Variants in TMEM108 observed in about 807,000 individuals in gnomAD.
TMEM108 encodes the protein transmembrane protein 108.
TMEM108 carries 12 observed loss-of-function variants against 35.1 expected under a neutral mutation model. That is an observed-to-expected ratio of 0.34 (90% confidence interval 0.22 to 0.55). The LOEUF (loss-of-function observed/expected upper bound fraction) is 0.55. TMEM108 is among the 20% of genes least tolerant of loss of function. The probability of loss-of-function intolerance (pLI) is 0.89; values close to 1 mark genes in which losing one functional copy is unlikely to be tolerated. For synonymous variants in TMEM108, 287 were observed against 308.6 expected (o/e 0.93, Z 0.73); for missense variants, 680 against 753.3 (o/e 0.90, Z 1.14).
At chr3:133,187,912 A>G (rs1489809406) in intron 2 of TMEM108, among the ~76,000 whole-genome samples, 2 of 149,760 alleles carry the variant, frequency 1.3e-5, no homozygotes, top group East Asian at 2.0e-4. Context: ...GACAGGAACA[A>G]ATAATCAATA....
intron 2 of TMEM108, among the ~76,000 whole-genome samples, chr3:133,106,175 G>GTTTTTTT (rs745343008): frequency 2.2e-5 from 2 of 89,692 alleles, no homozygotes; most frequent in Non-Finnish European, 4.3e-5. Context: ...GAGGTTAAAG[G>GTTTTTTT]TTTTTTTTTT....
intron 3 of TMEM108, among the ~76,000 whole-genome samples, chr3:133,293,046 G>A (rs74920210): frequency 0.12 from 17,886 of 152,068 alleles, 1,460 homozygotes; most frequent in East Asian, 0.38. Context: ...ATATTCTTAA[G>A]AACAATAGGG....
At chr3:133,059,140 T>C (rs972348062) in intron 2 of TMEM108, among the ~76,000 whole-genome samples, 1 of 152,168 alleles carries the variant, frequency 6.6e-6, no homozygotes, top group African/African-American at 2.4e-5. Flanking sequence ...GTTAATCCCA[T>C]GTGTGAGGGC....
chr3:133,063,091 G>C (rs58918501), intron 2 of TMEM108, among the ~76,000 whole-genome samples: 1 of 152,314 alleles, frequency 6.6e-6, no homozygotes, highest in African/African-American at 2.4e-5. Flanking sequence ...TGTGGTATCA[G>C]AGATGGGAAA....
chr3:133,059,208 G>A (rs1358235646), intron 2 of TMEM108, among the ~76,000 whole-genome samples: 1 of 152,198 alleles, frequency 6.6e-6, no homozygotes, highest in Non-Finnish European at 1.5e-5. Flanking sequence ...GCTTCACAAT[G>A]GGGGTTAGGT....
chr3:133,229,052 G>C (rs1031242904), intron 2 of TMEM108, among the ~76,000 whole-genome samples: 6 of 152,206 alleles, frequency 3.9e-5, no homozygotes, highest in East Asian at 1.9e-4. Context: ...TCCTTCAGTG[G>C]GGTGTATAGT....
intron 2 of TMEM108, among the ~76,000 whole-genome samples, chr3:133,196,303 G>A (rs1418471935): frequency 1.3e-5 from 2 of 152,080 alleles, no homozygotes; most frequent in Admixed American, 6.5e-5. Flanking sequence ...TTTTGAATAG[G>A]GCTCCCACAG....
chr3:133,127,420 G>A (rs1944431268), intron 2 of TMEM108, among the ~76,000 whole-genome samples: 1 of 152,174 alleles, frequency 6.6e-6, no homozygotes, highest in African/African-American at 2.4e-5. Context: ...GAAGACCTGT[G>A]TGAGAACTCG....
intron 2 of TMEM108, among the ~76,000 whole-genome samples, chr3:133,209,978 T>C (rs1945813155): frequency 6.6e-6 from 1 of 152,106 alleles, no homozygotes; most frequent in African/African-American, 2.4e-5. Flanking sequence ...GAGTTAGAGA[T>C]TGGGTGAAAG....
intron 2 of TMEM108, among the ~76,000 whole-genome samples, chr3:133,130,427 A>T (rs945292669): frequency 2.0e-5 from 3 of 152,180 alleles, no homozygotes; most frequent in Non-Finnish European, 4.4e-5. Context: ...TAGCCCACTT[A>T]CATGTCTGGA....
At chr3:133,286,705 TTGGG>T in intron 3 of TMEM108, among the ~76,000 whole-genome samples, 1 of 152,318 alleles carries the variant, frequency 6.6e-6, no homozygotes, top group South Asian at 2.1e-4. Flanking sequence ...TCTATGAACC[TTGGG>T]CTACATAGTA....
At chr3:133,111,019 A>G (rs962972064) in intron 2 of TMEM108, among the ~76,000 whole-genome samples, 3 of 152,012 alleles carry the variant, frequency 2.0e-5, no homozygotes, top group African/African-American at 7.3e-5. Context: ...CACTCTGTTG[A>G]CCCAGCTTGT....
chr3:133,379,032 T>TTCTGCCTGTCAC (rs1475897482), intron 3 of TMEM108, among the ~76,000 whole-genome samples: 12 of 152,210 alleles, frequency 7.9e-5, no homozygotes, highest in African/African-American at 2.7e-4. Context: ...CCCGGTCCTC[T>TTCTGCCTGTCAC]TCTGCCTGTC....
At chr3:133,389,301 TGCTCA>T (rs1232172716) in intron 4 of TMEM108, 1 of 985,398 alleles carries the variant, frequency 1.0e-6, no homozygotes, top group Non-Finnish European at 1.2e-6. Context: ...TGTCACACTG[TGCTCA>T]GTCAAGCTGT....
rs144241207 is a variant in TMEM108 at position 133,253,957 on chromosome 3, T to C, written c.40+24606T>C. On this transcript the variant is annotated intron_variant, in intron 3 of 5. Coordinates refer to ENST00000321871, the MANE Select transcript of TMEM108 (RefSeq NM_023943.4). ...TAACTAATTAGATAATTTTAAAGACTAAATTGTCAACCTGGCTGCAGCACT... is the reference window on the plus strand; with the variant it reads ...TAACTAATTAGATAATTTTAAAGACCAAATTGTCAACCTGGCTGCAGCACT... 3.9e-5 allele frequency among the ~76,000 whole-genome samples: 6 copies of C among 152,326 alleles called. No individual in the cohort carries two copies. In the East Asian group the frequency reaches 9.6e-4, roughly 24 times the overall value.
chr3:133,393,646 A>C (rs1197780107), intron 5 of TMEM108, among the ~76,000 whole-genome samples: 7 of 152,204 alleles, frequency 4.6e-5, no homozygotes, highest in Admixed American at 3.9e-4. Context: ...TGCATGGAAA[A>C]GGTGTTCCTG....
intron 3 of TMEM108, among the ~76,000 whole-genome samples, chr3:133,281,234 C>G (rs1374740476): frequency 6.6e-6 from 1 of 152,118 alleles, no homozygotes; most frequent in Non-Finnish European, 1.5e-5. Context: ...TCAGAGGGTT[C>G]CCATGTTTAA....
intron 2 of TMEM108, among the ~76,000 whole-genome samples, chr3:133,080,843 G>A (rs764303882): frequency 2.6e-5 from 4 of 151,992 alleles, no homozygotes; most frequent in Admixed American, 6.6e-5. Context: ...TAGGACTTGC[G>A]TGAATGAAAG....
intron 5 of TMEM108, among the ~76,000 whole-genome samples, chr3:133,390,741 AAC>A (rs2073223071): frequency 2.6e-5 from 1 of 37,798 alleles, no homozygotes; most frequent in Non-Finnish European, 1.2e-4. Flanking sequence ...AATTAGGGGA[AAC>A]ACAAACACAG....
Sources: gnomAD v4.1 joint callset for allele counts (sites outside exome capture counted in the v4.1 genomes callset) on GRCh38, gnomAD v4.1.1 for gene constraint, MANE v1.5 for transcripts, NCBI Gene and HGNC (gene_info 2026-07-23, HGNC 2026-07-21) for gene names.